Variants in MAP3K5 observed in about 807,000 individuals in gnomAD.
The protein encoded by MAP3K5 is ASK-1.
In MAP3K5, 56 loss-of-function variants were observed where a neutral mutation model predicts 158.7. The observed-to-expected ratio is 0.35, with a 90% CI of 0.28 to 0.44. The LOEUF (loss-of-function observed/expected upper bound fraction) is 0.44, where lower values mean the gene tolerates loss of function less well. Ranked by LOEUF, MAP3K5 falls within the 20% of genes least tolerant of loss-of-function variation. The pLI is 1.00. For missense variants in MAP3K5, 1,294 were observed against 1,674.8 expected, an observed-to-expected ratio of 0.77 and a Z score of 3.97; for synonymous variants, 579 against 601.7, an observed-to-expected ratio of 0.96 and a Z score of 0.55.
At chr6:136,618,338 A>G (rs1324559784) in intron 15 of MAP3K5, among the ~76,000 whole-genome samples, 1 of 152,230 alleles carries the variant, frequency 6.6e-6, no homozygotes, top group Non-Finnish European at 1.5e-5. Context: ...ATCTCTTTAC[A>G]TTGTCAATAA....
At chr6:136,735,662 T>C (rs2114849001) in intron 1 of MAP3K5, among the ~76,000 whole-genome samples, 1 of 152,096 alleles carries the variant, frequency 6.6e-6, no homozygotes, top group African/African-American at 2.4e-5. Flanking sequence ...AGACCCCATC[T>C]CTATAAAAAG....
chr6:136,627,690 C>G (rs567684312), intron 14 of MAP3K5, among the ~76,000 whole-genome samples: 3 of 152,228 alleles, frequency 2.0e-5, no homozygotes, highest in Non-Finnish European at 4.4e-5. Flanking sequence ...AAGGTACCAT[C>G]TAGAGGAAGT....
chr6:136,712,321 T>C (rs1365729284), intron 2 of MAP3K5, among the ~76,000 whole-genome samples: 8 of 151,940 alleles, frequency 5.3e-5, no homozygotes. Flanking sequence ...TAGCTGGGAC[T>C]ACAGGCACGT....
chr6:136,657,611 G>T (rs528772278), intron 9 of MAP3K5, among the ~76,000 whole-genome samples: 1 of 152,266 alleles, frequency 6.6e-6, no homozygotes, highest in Non-Finnish European at 1.5e-5. Context: ...TATCCATGGA[G>T]ATATGACTAA....
chr6:136,725,373 T>TC (rs1781924388), intron 1 of MAP3K5, among the ~76,000 whole-genome samples: 2 of 152,194 alleles, frequency 1.3e-5, no homozygotes, highest in South Asian at 4.1e-4. Context: ...CTTGGTATTG[T>TC]CCGTTTTTCT....
At chr6:136,792,589 G>T (rs1452650111), upstream of MAP3K5, 2 of 165,090 alleles carry the variant, frequency 1.2e-5, no homozygotes, top group African/African-American at 2.4e-5. The surrounding 1 kb of genome is among the most constrained non-coding windows in gnomAD (Gnocchi z 5.7). Flanking sequence ...CGTCCCGGCC[G>T]CTCTGGGAGG....
rs188731547 is a variant in MAP3K5 at position 136,651,508 on chromosome 6, T to C, written c.1681-417A>G. Among the ~76,000 whole-genome samples, 3 of 152,316 alleles carry C rather than the reference T, an allele frequency of 2.0e-5. No homozygotes were observed. The East Asian group carries it at 5.8e-4, about 29-fold the overall frequency. ...TAGAATGTCACATCCTTATTTTAGT[T>C]TTTCTGCTATCACACTTTATCATAC... On this transcript the variant is annotated intron_variant, in intron 10 of 29. Transcript: ENST00000359015.
At chr6:136,682,579 GT>G (rs1271924735) in intron 7 of MAP3K5, among the ~76,000 whole-genome samples, 1 of 152,194 alleles carries the variant, frequency 6.6e-6, no homozygotes, top group Non-Finnish European at 1.5e-5. Context: ...CAGGCTCGCT[GT>G]TCTTCCCCAA....
intron 21 of MAP3K5, 97 bp downstream of exon 21, chr6:136,600,925 C>A: frequency 1.5e-6 from 2 of 1,290,458 alleles, no homozygotes; most frequent in Non-Finnish European, 2.2e-6. Context: ...CCCATGTAAG[C>A]CAGGAGCAGA....
chr6:136,699,488 T>C (rs1039470059), intron 3 of MAP3K5, among the ~76,000 whole-genome samples: 1 of 152,144 alleles, frequency 6.6e-6, no homozygotes, highest in Non-Finnish European at 1.5e-5. Flanking sequence ...AAGAAGAAAT[T>C]GCAATGCAAC....
chr6:136,695,942 T>G lies in MAP3K5; in HGVS notation c.1082+9A>C. ...TAACGCATTCTGGAAGGGAACTTTTTCTTCTTACCTATTCAGTGCAAATGC... is the reference window on the plus strand; with the variant it reads ...TAACGCATTCTGGAAGGGAACTTTTGCTTCTTACCTATTCAGTGCAAATGC... On this transcript the variant is annotated intron_variant, in intron 6 of 29. Transcript: ENST00000359015. 1 of 1,568,558 alleles carries G rather than the reference T, an allele frequency of 6.4e-7. No individual in the cohort carries two copies. The highest frequency in any genetic ancestry group is 2.2e-5 in the East Asian group (1 of 44,544).
At chr6:136,779,442 CAA>C (rs35110376) in intron 1 of MAP3K5, among the ~76,000 whole-genome samples, 19 of 101,000 alleles carry the variant, frequency 1.9e-4, no homozygotes, top group Non-Finnish European at 1.6e-4. Flanking sequence ...CACCCTGTCT[CAA>C]AAAAAAAAAA....
chr6:136,587,441 A>G (rs1284468197), intron 23 of MAP3K5, among the ~76,000 whole-genome samples: 1 of 152,238 alleles, frequency 6.6e-6, no homozygotes, highest in Non-Finnish European at 1.5e-5. Context: ...AAGCTTATAA[A>G]GTAGACTCCT....
rs17723528 is a variant in MAP3K5, at chr6:136,599,799, C to G, written c.2878+1223G>C. 0.014 allele frequency among the ~76,000 whole-genome samples: 2,106 copies of G among 152,272 alleles called. 111 individuals carry two copies. In the East Asian group the frequency reaches 0.14, roughly 10 times the overall value. On this transcript the variant is annotated intron_variant, in intron 21 of 29. Coordinates refer to ENST00000359015, the MANE Select transcript of MAP3K5 (RefSeq NM_005923.4). ...GATCAGAACCCACTTCTGTGTAATTCTGAAGTCAGTGCCCATTTTAGGACA... is the reference window on the plus strand; with the variant it reads ...GATCAGAACCCACTTCTGTGTAATTGTGAAGTCAGTGCCCATTTTAGGACA...
At chr6:136,716,359 G>A (rs1781527692) in intron 2 of MAP3K5, among the ~76,000 whole-genome samples, 1 of 152,004 alleles carries the variant, frequency 6.6e-6, no homozygotes, top group Admixed American at 6.6e-5. Context: ...TCAACTATCT[G>A]GCACGTGCAG....
At position 136,792,247 on chromosome 6, in the gene MAP3K5, G is replaced by T; in HGVS notation, c.-90C>A. ...AGCTCGGGGCTGCTCCGCGCCCGCC[G>T]GGCTAAGCAGCTGCCATCGCGCGCC... On this transcript the variant is annotated 5_prime_UTR_variant, in exon 1 of 30. Coordinates refer to ENST00000359015, the MANE Select transcript of MAP3K5 (RefSeq NM_005923.4). The surrounding 1 kb of genome is among the most constrained non-coding windows in gnomAD (Gnocchi z 5.7). The T allele has an allele frequency of 7.8e-7, 1 of 1,282,456 alleles. No individual in the cohort carries two copies. The highest frequency in any genetic ancestry group is 9.8e-7 in the Non-Finnish European group (1 of 1,020,896). 79.4% of individuals were successfully genotyped at this position (1,282,456 alleles called of 1,614,324 possible).
intron 13 of MAP3K5, among the ~76,000 whole-genome samples, chr6:136,637,978 G>A (rs995930061): frequency 6.6e-6 from 1 of 152,118 alleles, no homozygotes; most frequent in Non-Finnish European, 1.5e-5. Flanking sequence ...ATAAAGAACT[G>A]TTCTGGCCAT....
At chr6:136,723,055 C>T (rs1781813049) in intron 1 of MAP3K5, among the ~76,000 whole-genome samples, 2 of 151,876 alleles carry the variant, frequency 1.3e-5, no homozygotes, top group African/African-American at 4.8e-5. Flanking sequence ...TAATTCCATT[C>T]CTTGGAATTT....
chr6:136,632,682 G>A (rs1179616012), intron 14 of MAP3K5, among the ~76,000 whole-genome samples: 1 of 152,018 alleles, frequency 6.6e-6, no homozygotes, highest in Non-Finnish European at 1.5e-5. Flanking sequence ...ATGAAATGAA[G>A]GGGCTGCAGG....
Sources: allele counts gnomAD v4.1 joint callset (sites outside exome capture counted in the v4.1 genomes callset), GRCh38; gene constraint gnomAD v4.1.1; non-coding constraint Gnocchi (gnomAD v3.1); transcripts MANE v1.5; gene names NCBI Gene and HGNC (gene_info 2026-07-23, HGNC 2026-07-21).